GALNTL6: variants seen among roughly 807,000 people sequenced by gnomAD.
The protein encoded by GALNTL6 is polypeptide N-acetylgalactosaminyltransferase like 6.
A neutral mutation model predicts 73.7 loss-of-function variants in GALNTL6; 46 were observed. The ratio of observed to expected loss-of-function variants is 0.62; its 90% CI spans 0.49 to 0.80. The LOEUF is 0.80. Among genes scored for constraint, GALNTL6 ranks in the 30% least tolerant of loss-of-function variants. GALNTL6 has a pLI of 0.00. For missense variants in GALNTL6, 604 were observed against 755.0 expected, an observed-to-expected ratio of 0.80 and a Z score of 2.34; for synonymous variants, 259 against 263.7, an observed-to-expected ratio of 0.98 and a Z score of 0.17.
At chr4:172,480,911 C>T (rs1188375176) in intron 5 of GALNTL6, among the ~76,000 whole-genome samples, 1 of 152,190 alleles carries the variant, frequency 6.6e-6, no homozygotes, top group Non-Finnish European at 1.5e-5. Context: ...AGGATCAAAG[C>T]ACACAATGCC....
intron 7 of GALNTL6, among the ~76,000 whole-genome samples, chr4:172,841,565 G>A (rs1743207165): frequency 6.6e-6 from 1 of 152,148 alleles, no homozygotes; most frequent in Non-Finnish European, 1.5e-5. Context: ...CCACATGGCT[G>A]GGGAGGCCTC....
intron 5 of GALNTL6, among the ~76,000 whole-genome samples, chr4:172,512,025 T>C (rs1734450027): frequency 1.8e-5 from 1 of 55,356 alleles, no homozygotes; most frequent in African/African-American, 4.5e-5. Flanking sequence ...TCTAGTGCTG[T>C]CAGTGGAGTA....
chr4:172,295,101 G>C (rs948562699), intron 3 of GALNTL6, among the ~76,000 whole-genome samples: 3 of 152,156 alleles, frequency 2.0e-5, no homozygotes, highest in African/African-American at 7.2e-5. Context: ...GCTATCTCCA[G>C]GTACTAGGCA....
rs901213671 is a variant in GALNTL6 at position 172,402,647 on chromosome 4, A to G, written c.553+53958A>G. ...CTGTTGTTTTTTAATTGTTATAGGA[A>G]GATTTTTTGGACGAATCTTGTGAAA... On this transcript the variant is annotated intron_variant, in intron 5 of 12. Coordinates refer to ENST00000506823, the MANE Select transcript of GALNTL6 (RefSeq NM_001034845.3). Among the ~76,000 whole-genome samples, 14 of 152,088 alleles carry G rather than the reference A, an allele frequency of 9.2e-5. 1 individual carries two copies. The highest frequency in any genetic ancestry group is 2.9e-4 in the African/African-American group (12 of 41,418).
chr4:172,159,649 A>T lies in GALNTL6; in HGVS notation c.139-70007A>T, dbSNP rs115444887. 5.7e-3 allele frequency among the ~76,000 whole-genome samples: 873 copies of T among 152,316 alleles called. 9 individuals carry two copies. The highest frequency in any genetic ancestry group is 0.019 in the African/African-American group (798 of 41,576). ...AGGAAGTTTCAGTGCCTGGAGCATA[A>T]TGAACAAGGCTGGAGTTTTGTTAAG... is the stretch of plus-strand genomic sequence containing the variant. On this transcript the variant is annotated intron_variant, in intron 2 of 12. Transcript: ENST00000506823.
rs1432352479 is a variant in GALNTL6 at position 172,809,997 on chromosome 4, A to T, written c.739+451A>T. Reference sequence around the variant, plus strand: ...TGTTAAGAAAAGAGGAAGGAAAATTATTCATCCCCAGAATACAGTTAAAGT... The same window carrying T: ...TGTTAAGAAAAGAGGAAGGAAAATTTTTCATCCCCAGAATACAGTTAAAGT... On this transcript the variant is annotated intron_variant, in intron 6 of 12. Transcript: ENST00000506823. This position sits in a 1 kb window ranked among gnomAD's most constrained non-coding sequence, Gnocchi z 4.4. Among the ~76,000 whole-genome samples the T allele has an allele frequency of 6.6e-6, 1 of 152,018 alleles. No homozygotes were observed. The highest frequency in any genetic ancestry group is 2.4e-5 in the African/African-American group (1 of 41,380).
chr4:172,373,204 G>A lies in GALNTL6; in HGVS notation c.553+24515G>A, dbSNP rs1390263452. The stretch of plus-strand genomic sequence containing the variant: ...GGGCAAGACTGTGCACATAAGTTGG[G>A]ACGTGTGGTCTGTGGGATCCTCAAA... On this transcript the variant is annotated intron_variant, in intron 5 of 12. Coordinates refer to ENST00000506823, the MANE Select transcript of GALNTL6 (RefSeq NM_001034845.3). 5.3e-5 allele frequency among the ~76,000 whole-genome samples: 8 copies of A among 152,190 alleles called. 1 individual carries two copies. Among genetic ancestry groups the A allele is most frequent in the Admixed American group, 3.9e-4 (6 of 15,282 alleles).
At chr4:172,114,593 A>G (rs1011936256) in intron 2 of GALNTL6, among the ~76,000 whole-genome samples, 1 of 152,112 alleles carries the variant, frequency 6.6e-6, no homozygotes, top group African/African-American at 2.4e-5. Context: ...GCTTTAGGGT[A>G]TCACAAGAAA....
At chr4:172,105,365 C>T (rs1036323047) in intron 2 of GALNTL6, among the ~76,000 whole-genome samples, 1 of 151,842 alleles carries the variant, frequency 6.6e-6, no homozygotes, top group African/African-American at 2.4e-5. Context: ...AAATGAAATG[C>T]TCCAAAATCC....
intron 5 of GALNTL6, among the ~76,000 whole-genome samples, chr4:172,561,049 C>G (rs1243582004): frequency 6.6e-6 from 1 of 151,276 alleles, no homozygotes; most frequent in Non-Finnish European, 1.5e-5. Flanking sequence ...GTCAGGAGAT[C>G]GAGACCATCC....
At chr4:171,969,472 T>A (rs1739495826) in intron 2 of GALNTL6, among the ~76,000 whole-genome samples, 1 of 152,236 alleles carries the variant, frequency 6.6e-6, no homozygotes. Context: ...GTTGTAGGTG[T>A]CCTTCATAAA....
intron 2 of GALNTL6, among the ~76,000 whole-genome samples, chr4:171,942,546 G>T (rs1273440327): frequency 6.6e-6 from 1 of 152,088 alleles, no homozygotes; most frequent in Non-Finnish European, 1.5e-5. Context: ...CTGTAGTGAA[G>T]GATTTCACTC....
chr4:171,983,484 AT>A (rs1267783149), intron 2 of GALNTL6, among the ~76,000 whole-genome samples: 40 of 150,490 alleles, frequency 2.7e-4, no homozygotes, highest in Non-Finnish European at 8.9e-5. Flanking sequence ...TTATTTATTT[AT>A]TTATTTATTT....
At chr4:171,844,832 G>T (rs977231104) in intron 2 of GALNTL6, among the ~76,000 whole-genome samples, 1 of 152,178 alleles carries the variant, frequency 6.6e-6, no homozygotes, top group Non-Finnish European at 1.5e-5. Context: ...AGTCAGAGAT[G>T]GTTGCTGTGG....
intron 2 of GALNTL6, among the ~76,000 whole-genome samples, chr4:172,087,764 A>G (rs1273339777): frequency 1.5e-5 from 1 of 67,968 alleles, no homozygotes; most frequent in Non-Finnish European, 3.8e-5. Flanking sequence ...AAATAGCAGA[A>G]AAAAAAAAAA....
intron 5 of GALNTL6, among the ~76,000 whole-genome samples, chr4:172,609,825 AT>A (rs145429528): frequency 3.3e-4 from 48 of 146,912 alleles, no homozygotes; most frequent in African/African-American, 6.3e-4. Context: ...CTGGTCCTGG[AT>A]TTTTTTTTTG....
chr4:172,875,711 T>G (rs1745158737), intron 7 of GALNTL6, among the ~76,000 whole-genome samples: 1 of 141,562 alleles, frequency 7.1e-6, no homozygotes, highest in Admixed American at 7.5e-5. Context: ...TGTTGTTAGA[T>G]CCTCCCTTTG....
intron 5 of GALNTL6, among the ~76,000 whole-genome samples, chr4:172,391,755 T>C (rs528379652): frequency 2.6e-5 from 4 of 152,262 alleles, no homozygotes; most frequent in South Asian, 2.1e-4. Context: ...TACTACTGTT[T>C]ATTTGTGAAC....
chr4:172,012,967 G>A (rs558036874), intron 2 of GALNTL6, among the ~76,000 whole-genome samples: 29 of 152,082 alleles, frequency 1.9e-4, no homozygotes, highest in African/African-American at 6.5e-4. Context: ...CCTCACTCCA[G>A]TCCCTCACTC....
Sources: allele counts gnomAD v4.1 joint callset (sites outside exome capture counted in the v4.1 genomes callset), GRCh38; gene constraint gnomAD v4.1.1; non-coding constraint Gnocchi (gnomAD v3.1); transcripts MANE v1.5; gene names NCBI Gene and HGNC (gene_info 2026-07-23, HGNC 2026-07-21).